SKIC3: variants seen among roughly 807,000 people sequenced by gnomAD.
The protein encoded by SKIC3 is superkiller complex protein 3.
At chr5:95,544,059 G>A in the SKIC3 span, among the ~76,000 whole-genome samples, 7 of 152,174 alleles carry the variant, frequency 4.6e-5, no homozygotes, top group African/African-American at 1.7e-4. Context: ...CATGAGTTAA[G>A]CGAGTCATAT....
the SKIC3 span, chr5:95,503,731 A>C: frequency 6.3e-7 from 1 of 1,591,736 alleles, no homozygotes; most frequent in Non-Finnish European, 8.6e-7. Context: ...ACCCCATCTC[A>C]TTATTACATC....
the SKIC3 span, chr5:95,522,139 C>T: frequency 9.3e-6 from 15 of 1,613,816 alleles, no homozygotes; most frequent in African/African-American, 2.0e-4. Context: ...CTAGGATTTG[C>T]TGTATTGCTG....
the SKIC3 span, chr5:95,523,355 T>A: frequency 6.3e-7 from 1 of 1,581,994 alleles, no homozygotes. Context: ...TAATATTAGA[T>A]ATATTGAACA....
chr5:95,546,350 A>C, the SKIC3 span, among the ~76,000 whole-genome samples: 1 of 136,542 alleles, frequency 7.3e-6, no homozygotes, highest in Non-Finnish European at 1.5e-5. Flanking sequence ...AAAAAAAAAA[A>C]ACAAAAAAAA....
the SKIC3 span, among the ~76,000 whole-genome samples, chr5:95,490,500 A>AT: frequency 8.2e-4 from 112 of 136,038 alleles, 1 homozygote; most frequent in African/African-American, 2.3e-3. Context: ...ATATATATAT[A>AT]TATATTTTTT....
chr5:95,498,554 C>T, the SKIC3 span: 1 of 1,613,990 alleles, frequency 6.2e-7, no homozygotes, highest in Admixed American at 1.7e-5. Context: ...GCACACAGGG[C>T]TTGAAGGCTT....
the SKIC3 span, chr5:95,507,009 G>T: frequency 6.2e-7 from 1 of 1,606,952 alleles, no homozygotes. Flanking sequence ...CAACAAAATT[G>T]CCCTTAAAAA....
At chr5:95,550,673 T>C in the SKIC3 span, 1 of 152,456 alleles carries the variant, frequency 6.6e-6, no homozygotes, top group African/African-American at 2.4e-5. Context: ...AAAACAAGTA[T>C]GAGACAATCA....
chr5:95,483,581 A>T, the SKIC3 span, among the ~76,000 whole-genome samples: 1 of 152,228 alleles, frequency 6.6e-6, no homozygotes, highest in African/African-American at 2.4e-5. Flanking sequence ...AGAACCAAAG[A>T]AATCTTCAAA....
the SKIC3 span, among the ~76,000 whole-genome samples, chr5:95,471,883 G>A: frequency 6.6e-6 from 1 of 152,120 alleles, no homozygotes; most frequent in African/African-American, 2.4e-5. Flanking sequence ...TAAGCTGTGG[G>A]GCCCAGTGCA....
chr5:95,490,802 G>T, the SKIC3 span: 1 of 1,456,408 alleles, frequency 6.9e-7, no homozygotes, highest in Non-Finnish European at 9.5e-7. Context: ...CCGGCCTAAT[G>T]AATATATTTT....
At chr5:95,523,245 G>A in the SKIC3 span, 21 of 1,613,852 alleles carry the variant, frequency 1.3e-5, no homozygotes, top group South Asian at 1.9e-4. Flanking sequence ...AAATAGTATA[G>A]TCCTCGCCTA....
chr5:95,530,057 T>G, the SKIC3 span: 2 of 1,609,102 alleles, frequency 1.2e-6, no homozygotes, highest in Admixed American at 3.3e-5. Context: ...ATAATTATAC[T>G]TCACGTTACA....
chr5:95,522,888 C>G, the SKIC3 span, among the ~76,000 whole-genome samples: 1 of 152,050 alleles, frequency 6.6e-6, no homozygotes, highest in South Asian at 2.1e-4. Flanking sequence ...TCTCCCTTGC[C>G]AAAAACAATG....
At chr5:95,504,099 T>TGGG in the SKIC3 span, among the ~76,000 whole-genome samples, 1 of 7,850 alleles carries the variant, frequency 1.3e-4, no homozygotes, top group Non-Finnish European at 2.8e-4. Context: ...GGGTGGGGGG[T>TGGG]GGGGGGAGGG....
the SKIC3 span, chr5:95,516,560 G>A: frequency 6.2e-6 from 10 of 1,613,240 alleles, no homozygotes; most frequent in South Asian, 1.1e-4. Context: ...ATGAAACAGT[G>A]CTGAGCAAGG....
the SKIC3 span, chr5:95,498,339 T>C: frequency 1.9e-6 from 3 of 1,587,052 alleles, no homozygotes; most frequent in South Asian, 3.3e-5. Flanking sequence ...CAAGTATAAT[T>C]AGGTTCCAGG....
chr5:95,499,294 A>C, the SKIC3 span, among the ~76,000 whole-genome samples: 1 of 152,164 alleles, frequency 6.6e-6, no homozygotes, highest in Admixed American at 6.5e-5. Context: ...GGTACTGTAT[A>C]GTGAATTCTC....
chr5:95,506,149 T>C, the SKIC3 span, among the ~76,000 whole-genome samples: 1 of 152,216 alleles, frequency 6.6e-6, no homozygotes, highest in South Asian at 2.1e-4. Context: ...CTTTTAAATT[T>C]AACAGTTTAA....
Sources: gnomAD v4.1 joint callset for allele counts (sites outside exome capture counted in the v4.1 genomes callset) on GRCh38, gnomAD v4.1.1 for gene constraint, MANE v1.5 for transcripts, NCBI Gene and HGNC (gene_info 2026-07-23, HGNC 2026-07-21) for gene names.